Variants in NRXN1 observed in about 807,000 individuals in gnomAD.
The protein encoded by NRXN1 is neurexin-1.
In NRXN1, 39 loss-of-function variants were observed where a neutral mutation model predicts 150.9. The observed-to-expected ratio is 0.26, with a 90% CI of 0.20 to 0.34. NRXN1 has a LOEUF of 0.34. Among genes scored for constraint, NRXN1 ranks in the 10% least tolerant of loss-of-function variants. NRXN1 has a pLI of 1.00. For missense variants in NRXN1, 1,815 were observed against 1,949.9 expected (o/e 0.93, Z 1.30); for synonymous variants, 924 against 757.0 (o/e 1.22, Z -3.62).
At chr2:50,032,981 G>A (rs1334366897) in intron 21 of NRXN1, among the ~76,000 whole-genome samples, 1 of 151,172 alleles carries the variant, frequency 6.6e-6, no homozygotes, top group African/African-American at 2.4e-5. Context: ...TTTATATACT[G>A]TGTATACACA....
chr2:50,810,411 A>G, intron 5 of NRXN1, among the ~76,000 whole-genome samples: 1 of 152,184 alleles, frequency 6.6e-6, no homozygotes, highest in Non-Finnish European at 1.5e-5. Flanking sequence ...AGGGAACCAG[A>G]GAATGTTTAT....
At chr2:50,741,807 AC>A (rs1699464991) in intron 5 of NRXN1, among the ~76,000 whole-genome samples, 1 of 152,112 alleles carries the variant, frequency 6.6e-6, no homozygotes, top group Non-Finnish European at 1.5e-5. Flanking sequence ...TGGAACCCTA[AC>A]CCTAATCATC....
At chr2:50,498,848 A>C (rs1408607862) in intron 13 of NRXN1, among the ~76,000 whole-genome samples, 2 of 152,206 alleles carry the variant, frequency 1.3e-5, no homozygotes, top group Admixed American at 1.3e-4. Flanking sequence ...TTTGTAATCA[A>C]GTTCTTCCAC....
At chr2:50,262,587 A>G (rs989349093) in intron 17 of NRXN1, among the ~76,000 whole-genome samples, 3 of 152,040 alleles carry the variant, frequency 2.0e-5, no homozygotes, top group Non-Finnish European at 4.4e-5. Context: ...GAAGAACAGA[A>G]TCATTCCAAG....
chr2:49,924,826 C>T (rs1188436026), intron 22 of NRXN1, among the ~76,000 whole-genome samples: 3 of 152,132 alleles, frequency 2.0e-5, no homozygotes, highest in South Asian at 2.1e-4. Flanking sequence ...TTTCTTTTCC[C>T]CAGATTCACA....
rs192609246 is a variant in NRXN1 at position 50,550,203 on chromosome 2, G to C, written c.1759+2384C>G. On this transcript the variant is annotated intron_variant, in intron 9 of 22. Coordinates refer to ENST00000401669, the MANE Select transcript of NRXN1 (RefSeq NM_001330078.2). ...TCCTCTGAACTTTCAGAAGATAACCGTCTAATCTGATATGGGTTGTTTTGT... is the reference window on the plus strand; with the variant it reads ...TCCTCTGAACTTTCAGAAGATAACCCTCTAATCTGATATGGGTTGTTTTGT... 5.5e-4 allele frequency among the ~76,000 whole-genome samples: 84 copies of C among 151,954 alleles called. 2 individuals are homozygous for C. The highest frequency in any genetic ancestry group is 1.8e-3 in the African/African-American group (74 of 41,432).
chr2:50,108,710 A>G (rs1701991209), intron 18 of NRXN1, among the ~76,000 whole-genome samples: 1 of 152,140 alleles, frequency 6.6e-6, no homozygotes, highest in Admixed American at 6.5e-5. Flanking sequence ...AACTATTTCT[A>G]CCTCAAACCA....
At chr2:50,356,197 A>G (rs2078801858) in intron 17 of NRXN1, among the ~76,000 whole-genome samples, 1 of 152,178 alleles carries the variant, frequency 6.6e-6, no homozygotes, top group Non-Finnish European at 1.5e-5. Flanking sequence ...CATTTTCACT[A>G]TAACCATTCA....
chr2:50,765,190 C>T (rs1443522067), intron 5 of NRXN1, among the ~76,000 whole-genome samples: 1 of 151,972 alleles, frequency 6.6e-6, no homozygotes, highest in Non-Finnish European at 1.5e-5. Context: ...GGGGGAAAAC[C>T]TTACTTTCCT....
chr2:50,180,359 A>G (rs1029287617), intron 18 of NRXN1, among the ~76,000 whole-genome samples: 1 of 152,042 alleles, frequency 6.6e-6, no homozygotes, highest in Non-Finnish European at 1.5e-5. Context: ...GCTAATTCTG[A>G]TGAGAATCCT....
chr2:49,942,160 G>A (rs182801553), intron 22 of NRXN1, among the ~76,000 whole-genome samples: 90 of 152,254 alleles, frequency 5.9e-4, no homozygotes, highest in African/African-American at 2.0e-3. Context: ...ATGGATGATC[G>A]TGACAGAGCT....
chr2:50,875,896 A>T (rs1678516982), intron 5 of NRXN1, among the ~76,000 whole-genome samples: 1 of 151,762 alleles, frequency 6.6e-6, no homozygotes, highest in African/African-American at 2.4e-5. Flanking sequence ...ACATTCCCTC[A>T]CCCTACAGAA....
intron 5 of NRXN1, among the ~76,000 whole-genome samples, chr2:50,690,291 G>C (rs1691887147): frequency 6.6e-6 from 1 of 152,138 alleles, no homozygotes. Flanking sequence ...TGCAAAATAT[G>C]ATGAAAAGCA....
rs910796772 is a variant in NRXN1 at position 50,467,527 on chromosome 2, T to C, written c.3245-1966A>G. Among the ~76,000 whole-genome samples the C allele has an allele frequency of 4.0e-5, 6 of 151,508 alleles. No individual in the cohort carries two copies. In the East Asian group the frequency reaches 9.7e-4, roughly 24 times the overall value. ...ATTTTGAAAATGGCTTCTAAACATGTACCTTACAATCACATTTGTATTATA... is the reference window on the plus strand; with the variant it reads ...ATTTTGAAAATGGCTTCTAAACATGCACCTTACAATCACATTTGTATTATA... On this transcript the variant is annotated intron_variant, in intron 16 of 22. Coordinates refer to ENST00000401669, the MANE Select transcript of NRXN1 (RefSeq NM_001330078.2).
At chr2:50,966,126 T>C (rs1057048416) in intron 2 of NRXN1, among the ~76,000 whole-genome samples, 2 of 151,734 alleles carry the variant, frequency 1.3e-5, no homozygotes, top group Admixed American at 6.6e-5. Flanking sequence ...CCTAGTTATT[T>C]TGAACACTTT....
chr2:50,049,193 A>T (rs1692301791), intron 21 of NRXN1, among the ~76,000 whole-genome samples: 1 of 152,176 alleles, frequency 6.6e-6, no homozygotes, highest in Admixed American at 6.6e-5. Flanking sequence ...TATACTATTA[A>T]TAATTACACT....
At chr2:50,671,566 A>T (rs1292620019) in intron 5 of NRXN1, among the ~76,000 whole-genome samples, 1 of 151,698 alleles carries the variant, frequency 6.6e-6, no homozygotes, top group Non-Finnish European at 1.5e-5. Context: ...TATTGCATGC[A>T]CTTTTTATAA....
intron 5 of NRXN1, among the ~76,000 whole-genome samples, chr2:50,895,511 T>C (rs991053684): frequency 6.6e-6 from 1 of 151,856 alleles, no homozygotes; most frequent in African/African-American, 2.4e-5. Context: ...CTGAAATGAG[T>C]GGGTCACTAT....
chr2:50,966,360 T>TA (rs1694078235), intron 2 of NRXN1, among the ~76,000 whole-genome samples: 1 of 151,316 alleles, frequency 6.6e-6, no homozygotes, highest in Non-Finnish European at 1.5e-5. Context: ...AAAAAAACTC[T>TA]AATAACATCT....
Sources: gnomAD v4.1 joint callset for allele counts (sites outside exome capture counted in the v4.1 genomes callset) on GRCh38, gnomAD v4.1.1 for gene constraint, MANE v1.5 for transcripts, NCBI Gene and HGNC (gene_info 2026-07-23, HGNC 2026-07-21) for gene names.